ZNF343: variants seen among roughly 807,000 people sequenced by gnomAD.
The protein encoded by ZNF343 is zinc finger protein 343.
Under a neutral mutation model 13.8 loss-of-function variants are expected in ZNF343, and 11 were observed. The ratio of observed to expected loss-of-function variants is 0.80; its 90% CI spans 0.50 to 1.32. ZNF343 has a LOEUF of 1.32. Ranked by LOEUF, ZNF343 falls within the 40% of genes most tolerant of loss-of-function variation. The pLI is 0.00. For synonymous variants in ZNF343, 248 were observed against 260.0 expected, an observed-to-expected ratio of 0.95 and a Z score of 0.44; for missense variants, 658 against 714.2, an observed-to-expected ratio of 0.92 and a Z score of 0.90.
At chr20:2,502,276 G>T (rs1274183916) in intron 1 of ZNF343, among the ~76,000 whole-genome samples, 2 of 152,106 alleles carry the variant, frequency 1.3e-5, no homozygotes, top group Non-Finnish European at 2.9e-5. Flanking sequence ...AGAATAAAAA[G>T]AAACAAACAA....
At chr20:2,505,235 C>A (rs2085635795) in intron 1 of ZNF343, among the ~76,000 whole-genome samples, 1 of 152,116 alleles carries the variant, frequency 6.6e-6, no homozygotes, top group Admixed American at 6.6e-5. Flanking sequence ...ACCTAGGAAT[C>A]CAACTTACAA....
intron 5 of ZNF343, among the ~76,000 whole-genome samples, chr20:2,491,385 G>A (rs1423699312): frequency 1.3e-5 from 2 of 152,080 alleles, no homozygotes; most frequent in South Asian, 2.1e-4. Flanking sequence ...GATTTCACCT[G>A]TAGTTATACT....
At chr20:2,488,395 T>C (rs1427850378) in intron 5 of ZNF343, among the ~76,000 whole-genome samples, 7 of 152,022 alleles carry the variant, frequency 4.6e-5, no homozygotes, top group South Asian at 2.1e-4. Flanking sequence ...CTCCAGGAAT[T>C]TGAGATGCCA....
chr20:2,497,511 T>C (rs1024153473), intron 2 of ZNF343, among the ~76,000 whole-genome samples: 5 of 152,242 alleles, frequency 3.3e-5, no homozygotes, highest in Non-Finnish European at 5.9e-5. Context: ...CAGGAATTGC[T>C]GCCAAGAAGA....
At chr20:2,492,959 G>C (rs1285016569) in intron 4 of ZNF343, 134 bp from the exon 5 acceptor site, 2 of 1,295,692 alleles carry the variant, frequency 1.5e-6, no homozygotes, top group Non-Finnish European at 2.1e-6. Context: ...TTCTCCATAT[G>C]AAGTTCTTCT....
chr20:2,491,224 C>A (rs943037913), intron 5 of ZNF343, among the ~76,000 whole-genome samples: 1 of 152,124 alleles, frequency 6.6e-6, no homozygotes, highest in African/African-American at 2.4e-5. Flanking sequence ...CTAATCTGAA[C>A]TAAGATGTGC....
rs2122736380 is a variant in ZNF343, at chr20:2,508,486, G to C, written c.-237+395C>G. 6.6e-6 allele frequency among the ~76,000 whole-genome samples: 1 copy of C among 152,228 alleles called. No homozygotes were observed. The highest frequency in any genetic ancestry group is 2.4e-5 in the African/African-American group (1 of 41,526). The stretch of plus-strand genomic sequence containing the variant: ...GCCACGTCCCCACCCCAGCCGCGGG[G>C]ATGTTGGTCCATTTGGCCCTGGCAG... On this transcript the variant is annotated intron_variant, in intron 1 of 5. Coordinates refer to ENST00000278772, the MANE Select transcript of ZNF343 (RefSeq NM_024325.6). The surrounding 1 kb of genome is among the most constrained non-coding windows in gnomAD (Gnocchi z 4.5).
chr20:2,497,734 A>G (rs1008227938), intron 2 of ZNF343, among the ~76,000 whole-genome samples: 3 of 152,174 alleles, frequency 2.0e-5, no homozygotes, highest in African/African-American at 7.2e-5. Flanking sequence ...GAAGGGAGAG[A>G]TCACACTCAA....
chr20:2,508,958 T>G (rs902423912), upstream of ZNF343: 1 of 152,210 alleles, frequency 6.6e-6, no homozygotes, highest in African/African-American at 2.4e-5. This position sits in a 1 kb window ranked among gnomAD's most constrained non-coding sequence, Gnocchi z 4.5. Flanking sequence ...AGGCTTCGGC[T>G]CCCATTGGCC....
upstream of ZNF343, among the ~76,000 whole-genome samples, chr20:2,513,107 A>G (rs1371826430): frequency 6.6e-6 from 1 of 152,062 alleles, no homozygotes; most frequent in Non-Finnish European, 1.5e-5. Flanking sequence ...CTCAAAAAAG[A>G]AATTGGAATT....
chr20:2,483,940 T>C lies in ZNF343; in HGVS notation c.1021A>G (p.Asn341Asp). 3 of 1,614,218 alleles carry C rather than the reference T, an allele frequency of 1.9e-6. No homozygotes were observed. Among genetic ancestry groups the C allele is most frequent in the Non-Finnish European group, 2.5e-6 (3 of 1,180,042 alleles). ...TCTGAGTGAGTCCACTGATGTCTATTGAGGATGGACTTACTTCTAAAGCTT... is the reference window on the plus strand; with the variant it reads ...TCTGAGTGAGTCCACTGATGTCTATCGAGGATGGACTTACTTCTAAAGCTT... ...GQSFRSKSIL[N>D]RHQWTHSEEK... The change falls in exon 6 of 6, where the codon AAT becomes GAT. Residue 341 changes from asparagine (N) to aspartate (D), a missense_variant. Transcript: ENST00000278772.
Position 2,492,761 on chromosome 20 carries a change from G to A in ZNF343, c.242C>T (p.Pro81Leu). Residue 81 changes from proline to leucine, a missense_variant, in exon 5 of 6, where the codon CCA becomes CTA. Transcript: ENST00000278772. The part of the protein sequence containing the change: ...FTEAEWKRLS[P>L]EQRNLYKEVM... ...TTCTTTGTATAGATTCCTCTGCTCT[G>A]GACTCAGTCTCTTCCATTCTGCTTC... 6.2e-7 allele frequency: 1 copy of A among 1,613,520 alleles called. No individual in the cohort carries two copies. The highest frequency in any genetic ancestry group is 8.5e-7 in the Non-Finnish European group (1 of 1,179,866).
chr20:2,521,957 TAAAGTTAC>T (rs2085784516), intron 1 of ZNF343, among the ~76,000 whole-genome samples: 1 of 152,214 alleles, frequency 6.6e-6, no homozygotes, highest in Non-Finnish European at 1.5e-5. Flanking sequence ...TTTGCACATG[TAAAGTTAC>T]AAAGCACTTA....
At chr20:2,515,853 G>A (rs6106883) in intron 1 of ZNF343, among the ~76,000 whole-genome samples, 75,002 of 151,964 alleles carry the variant, frequency 0.49, 19,540 homozygotes, top group African/African-American at 0.66. Context: ...CAGAGTGAGC[G>A]TCACACAGTC....
In ZNF343 at chr20:2,483,489, T is replaced by C. The variant is rs760158406; in HGVS notation, c.1472A>G (p.Lys491Arg). The C allele has an allele frequency of 1.5e-5, 24 of 1,612,526 alleles. No individual in the cohort carries two copies. In the South Asian group the frequency reaches 2.6e-4, roughly 18 times the overall value. Residue 491 changes from lysine to arginine, a missense_variant, in exon 6 of 6, where the codon AAG becomes AGG. Physicochemically the swap from Lys to Arg is conservative, Grantham distance 26. Transcript: ENST00000278772. ...CCTACACTCCCTGCAGACATAATGCTTCTCCCCTGAGTGTGTCCTCTGGTG... is the reference window on the plus strand; with the variant it reads ...CCTACACTCCCTGCAGACATAATGCCTCTCCCCTGAGTGTGTCCTCTGGTG... ...LVHQRTHSGE[K>R]HYVCRECRRG...
At chr20:2,514,024 C>T (rs536561860) in intron 1 of ZNF343, among the ~76,000 whole-genome samples, 6 of 152,008 alleles carry the variant, frequency 3.9e-5, no homozygotes, top group African/African-American at 1.4e-4. Flanking sequence ...CCTTTTGGGG[C>T]GATGAAAATA....
chr20:2,517,412 T>C (rs2085764028), intron 1 of ZNF343, among the ~76,000 whole-genome samples: 1 of 151,886 alleles, frequency 6.6e-6, no homozygotes, highest in Non-Finnish European at 1.5e-5. Flanking sequence ...TGTATATATA[T>C]ACACACATAT....
chr20:2,483,496 C>T lies in ZNF343; in HGVS notation c.1465G>A (p.Gly489Arg). ...TCCCTGCAGACATAATGCTTCTCCC[C>T]TGAGTGTGTCCTCTGGTGGACAAGG... ...LLLVHQRTHSGEKHYVCRECR... is the reference protein window; with the variant it reads ...LLLVHQRTHSREKHYVCRECR... The change falls in exon 6 of 6, where the codon GGG becomes AGG. Residue 489 changes from glycine (G) to arginine (R), a missense_variant. Physicochemically the swap from Gly to Arg is moderately radical, Grantham distance 125 (BLOSUM62 -2). Transcript: ENST00000278772. The T allele has an allele frequency of 6.2e-7, 1 of 1,612,736 alleles. No homozygotes were observed. The highest frequency in any genetic ancestry group is 1.1e-5 in the South Asian group (1 of 90,974).
chr20:2,485,401 C>A (rs890430649), intron 5 of ZNF343, among the ~76,000 whole-genome samples: 2 of 152,232 alleles, frequency 1.3e-5, no homozygotes, highest in Non-Finnish European at 2.9e-5. Context: ...CATTTCATCA[C>A]AACATGATCT....
Sources: gnomAD v4.1 joint callset for allele counts (sites outside exome capture counted in the v4.1 genomes callset) on GRCh38, gnomAD v4.1.1 for gene constraint, Gnocchi (gnomAD v3.1) non-coding constraint, MANE v1.5 for transcripts, NCBI Gene and HGNC (gene_info 2026-07-23, HGNC 2026-07-21) for gene names.